The following AKAP6 variants were observed in gnomAD, a reference collection of about 807,000 sequenced individuals.
AKAP6 encodes the protein A-kinase anchor protein 6.
In AKAP6, 58 loss-of-function variants were observed where a neutral mutation model predicts 188.5. The observed-to-expected ratio is 0.31, with a 90% CI of 0.25 to 0.38. The LOEUF (loss-of-function observed/expected upper bound fraction) is 0.38, where lower values mean the gene tolerates loss of function less well. Among genes scored for constraint, AKAP6 ranks in the 10% least tolerant of loss-of-function variants. The pLI is 1.00. For missense variants in AKAP6, 2,710 were observed against 2,740.0 expected, an observed-to-expected ratio of 0.99 and a Z score of 0.24; for synonymous variants, 989 against 998.6, an observed-to-expected ratio of 0.99 and a Z score of 0.18.
chr14:32,811,731 T>C (rs1368732171), intron 12 of AKAP6, among the ~76,000 whole-genome samples: 2 of 152,162 alleles, frequency 1.3e-5, no homozygotes, highest in Non-Finnish European at 2.9e-5. Context: ...ATCAGAACTG[T>C]AAAGGGCACG....
intron 11 of AKAP6, among the ~76,000 whole-genome samples, chr14:32,739,073 G>A (rs1026576770): frequency 6.6e-6 from 1 of 152,004 alleles, no homozygotes. Context: ...GCATTAGGGG[G>A]ACAAAAAGTT....
At chr14:32,331,206 A>G (rs1886521533) in intron 1 of AKAP6, among the ~76,000 whole-genome samples, 1 of 152,064 alleles carries the variant, frequency 6.6e-6, no homozygotes, top group Non-Finnish European at 1.5e-5. Flanking sequence ...TAGGAGTAAA[A>G]AAAAGCAAAA....
intron 2 of AKAP6, among the ~76,000 whole-genome samples, chr14:32,526,609 G>T (rs1437545415): frequency 2.0e-5 from 3 of 152,114 alleles, no homozygotes; most frequent in Non-Finnish European, 4.4e-5. Flanking sequence ...CAAACTCCTG[G>T]GCTCAAGGGG....
chr14:32,383,087 A>ATGTGTGTGTGTG (rs3031402), intron 1 of AKAP6, among the ~76,000 whole-genome samples: 1 of 143,172 alleles, frequency 7.0e-6, no homozygotes, highest in Non-Finnish European at 1.5e-5. Context: ...GGCAGATTTT[A>ATGTGTGTGTGTG]TGTGTGTGTG....
chr14:32,455,124 C>G (rs533718961), intron 2 of AKAP6, among the ~76,000 whole-genome samples: 288 of 150,918 alleles, frequency 1.9e-3, no homozygotes, highest in African/African-American at 6.7e-3. Flanking sequence ...GGCCACCACA[C>G]CCAGCTATTT....
Position 32,447,321 on chromosome 14 carries a change from T to C in AKAP6, c.324+13504T>C, listed in dbSNP as rs539537079. 1.3e-3 allele frequency among the ~76,000 whole-genome samples: 193 copies of C among 152,340 alleles called. 1 individual carries two copies. The highest frequency in any genetic ancestry group is 4.4e-3 in the African/African-American group (183 of 41,588). On this transcript the variant is annotated intron_variant, in intron 2 of 13. Transcript: ENST00000280979. ...GTTTCTCCTACTTTTTTGTATAAAA[T>C]TGCAAATTCTATTTTGGTCAACTAA... is the stretch of plus-strand genomic sequence containing the variant.
intron 11 of AKAP6, among the ~76,000 whole-genome samples, chr14:32,765,097 G>T (rs946652697): frequency 1.3e-5 from 2 of 151,874 alleles, no homozygotes; most frequent in Admixed American, 1.3e-4. Context: ...ACCACGCCCA[G>T]CTAATTTTTG....
chr14:32,369,727 A>G lies in AKAP6; in HGVS notation c.-35+40319A>G, dbSNP rs1887948033. On this transcript the variant is annotated intron_variant, in intron 1 of 13. Transcript: ENST00000280979. ...CCAAATATAAATAATAGTTCTTTTC[A>G]TTGTTCTCCATGATTTAAACAAAAC... 3.3e-5 allele frequency among the ~76,000 whole-genome samples: 5 copies of G among 152,188 alleles called. No individual in the cohort carries two copies. The South Asian group carries it at 1.0e-3, about 32-fold the overall frequency.
At chr14:32,774,942 G>A (rs1328436130) in intron 12 of AKAP6, among the ~76,000 whole-genome samples, 1 of 152,144 alleles carries the variant, frequency 6.6e-6, no homozygotes, top group East Asian at 1.9e-4. Flanking sequence ...AGGCACTTGG[G>A]ACTGGGAACA....
intron 1 of AKAP6, among the ~76,000 whole-genome samples, chr14:32,383,053 G>T (rs187117861): frequency 1.3e-5 from 2 of 151,438 alleles, no homozygotes; most frequent in Admixed American, 6.6e-5. Context: ...ATTAGAGATA[G>T]AATTTTGAGG....
chr14:32,389,965 T>C (rs563785914), intron 1 of AKAP6, among the ~76,000 whole-genome samples: 2 of 152,256 alleles, frequency 1.3e-5, no homozygotes, highest in African/African-American at 4.8e-5. Flanking sequence ...ATTTCTCTTC[T>C]TTCTCAGGAA....
At chr14:32,557,933 C>A (rs1883762932) in intron 4 of AKAP6, among the ~76,000 whole-genome samples, 1 of 152,074 alleles carries the variant, frequency 6.6e-6, no homozygotes. Context: ...TAGAGACTTT[C>A]AGATTCCAAA....
At chr14:32,706,933 G>T (rs2139735972) in intron 9 of AKAP6, among the ~76,000 whole-genome samples, 1 of 152,182 alleles carries the variant, frequency 6.6e-6, no homozygotes, top group Admixed American at 6.6e-5. Flanking sequence ...CCTTTCTCCA[G>T]AAGGATAGCT....
intron 7 of AKAP6, among the ~76,000 whole-genome samples, chr14:32,645,020 C>G (rs1887926304): frequency 6.6e-6 from 1 of 152,068 alleles, no homozygotes; most frequent in Non-Finnish European, 1.5e-5. Context: ...TTTCTGTGAC[C>G]AGCCTAAATC....
chr14:32,479,279 G>T (rs1055873679), intron 2 of AKAP6, among the ~76,000 whole-genome samples: 1 of 151,960 alleles, frequency 6.6e-6, no homozygotes, highest in Non-Finnish European at 1.5e-5. Flanking sequence ...TTGATTTTCA[G>T]TGTTGTATAC....
intron 12 of AKAP6, among the ~76,000 whole-genome samples, chr14:32,787,500 A>G (rs145352283): frequency 0.012 from 1,737 of 150,896 alleles, 24 homozygotes; most frequent in African/African-American, 0.04. Flanking sequence ...GCTGAACAAA[A>G]ATAGATCTAG....
chr14:32,711,559 G>A (rs542283974), intron 9 of AKAP6, among the ~76,000 whole-genome samples: 13 of 152,064 alleles, frequency 8.5e-5, no homozygotes, highest in African/African-American at 2.4e-4. Flanking sequence ...TAATAGCTTC[G>A]CCATGATTCA....
Position 32,678,373 on chromosome 14 carries a change from G to A in AKAP6, c.2793G>A (p.Lys931=). The A allele has an allele frequency of 6.2e-7, 1 of 1,613,848 alleles. No homozygotes were observed. Among genetic ancestry groups the A allele is most frequent in the Non-Finnish European group, 8.5e-7 (1 of 1,179,868 alleles). Residue 931 remains lysine (K), a synonymous_variant, in exon 8 of 14, where the codon AAG becomes AAA. Coordinates refer to ENST00000280979, the MANE Select transcript of AKAP6 (RefSeq NM_004274.5). ...QRDAVEQMSL[K]LYSEQYTSSS... Reference sequence around the variant, plus strand: ...ATGCTGTTGAGCAGATGTCCCTCAAGCTGTACAGCGAGCAGTATACCAGCA... The same window carrying A: ...ATGCTGTTGAGCAGATGTCCCTCAAACTGTACAGCGAGCAGTATACCAGCA...
At chr14:32,465,659 A>G (rs77623749) in intron 2 of AKAP6, among the ~76,000 whole-genome samples, 112,501 of 152,122 alleles carry the variant, frequency 0.74, 42,848 homozygotes, top group African/African-American at 0.92. Context: ...AGGCATTCAG[A>G]ACATAGGCTT....
Sources: allele counts gnomAD v4.1 joint callset (sites outside exome capture counted in the v4.1 genomes callset), GRCh38; gene constraint gnomAD v4.1.1; transcripts MANE v1.5; gene names NCBI Gene and HGNC (gene_info 2026-07-23, HGNC 2026-07-21).